LRRC4B: variants seen among roughly 807,000 people sequenced by gnomAD.
The protein encoded by LRRC4B is leucine-rich repeat-containing protein 4B.
LRRC4B carries 1 observed loss-of-function variant against 7.3 expected under a neutral mutation model. The ratio of observed to expected loss-of-function variants is 0.14; its 90% CI spans 0.05 to 0.65. The LOEUF (loss-of-function observed/expected upper bound fraction) is 0.65. Among genes scored for constraint, LRRC4B ranks in the 30% least tolerant of loss-of-function variants. The pLI, the probability that LRRC4B is intolerant of heterozygous loss-of-function variation, is 0.84. For missense variants in LRRC4B, 730 were observed against 1,041.6 expected (o/e 0.70, Z 4.12); for synonymous variants, 500 against 499.2 (o/e 1.00, Z -0.02).
chr19:50,545,145 C>T (rs919583821), intron 2 of LRRC4B, among the ~76,000 whole-genome samples: 7 of 148,992 alleles, frequency 4.7e-5, no homozygotes, highest in African/African-American at 1.7e-4. Context: ...TGGTGGCTCA[C>T]GCCTGTAATC....
intron 2 of LRRC4B, among the ~76,000 whole-genome samples, chr19:50,522,459 A>ATTTATTATTTATTTATTTAT (rs1491583815): frequency 2.8e-4 from 41 of 147,182 alleles, no homozygotes; most frequent in African/African-American, 1.0e-3. Context: ...TATTTTATTT[A>ATTTATTATTTATTTATTTAT]TTATTTATTT....
rs1345698321 is a variant in LRRC4B at position 50,527,333 on chromosome 19, TTTTC to T, written c.298-7922_298-7919del. On this transcript the variant is annotated intron_variant, in intron 2 of 2. Transcript: ENST00000652263. ...AGGCATGAGCCACCACGCCCGGCTG[TTTTC>T]TTTCTTTTTTCTTTTTTTTTTTTTT... is the stretch of plus-strand genomic sequence containing the variant. 5.6e-3 allele frequency among the ~76,000 whole-genome samples: 800 copies of T among 143,302 alleles called. 10 individuals are homozygous for T. The highest frequency in any genetic ancestry group is 0.02 in the African/African-American group (761 of 38,196). 94.0% of individuals were successfully genotyped at this position (143,302 alleles called of 152,430 possible).
intron 2 of LRRC4B, among the ~76,000 whole-genome samples, chr19:50,536,428 C>T (rs959589819): frequency 6.6e-6 from 1 of 152,162 alleles, no homozygotes; most frequent in Non-Finnish European, 1.5e-5. Context: ...CCACTGTGCC[C>T]GGATGAGACT....
At chr19:50,559,446 G>GA (rs1053300734) in intron 1 of LRRC4B, among the ~76,000 whole-genome samples, 5 of 151,918 alleles carry the variant, frequency 3.3e-5, no homozygotes, top group African/African-American at 7.3e-5. Flanking sequence ...AAAAAGGAAA[G>GA]AAAAAAAACT....
At chr19:50,554,324 C>T (rs1337306294) in intron 1 of LRRC4B, among the ~76,000 whole-genome samples, 1 of 152,036 alleles carries the variant, frequency 6.6e-6, no homozygotes, top group Admixed American at 6.6e-5. Flanking sequence ...GTCAGCTGGA[C>T]ACCAATGTCC....
chr19:50,552,779 T>C (rs575660228), intron 1 of LRRC4B, among the ~76,000 whole-genome samples: 22 of 152,178 alleles, frequency 1.4e-4, no homozygotes, highest in African/African-American at 5.3e-4. Flanking sequence ...CATCCATCCA[T>C]CCGTCCACCC....
At chr19:50,521,881 A>G (rs1980596223) in intron 2 of LRRC4B, among the ~76,000 whole-genome samples, 2 of 151,988 alleles carry the variant, frequency 1.3e-5, no homozygotes, top group Admixed American at 1.3e-4. Flanking sequence ...AGTTTTAAAA[A>G]TGAAAAAAAT....
In LRRC4B at chr19:50,519,627, AG is replaced by A. The variant is rs1477382800; in HGVS notation, c.298-213del. 2.0e-5 allele frequency among the ~76,000 whole-genome samples: 3 copies of A among 152,206 alleles called. No homozygotes were observed. The highest frequency in any genetic ancestry group is 7.2e-5 in the African/African-American group (3 of 41,450). On this transcript the variant is annotated intron_variant, in intron 2 of 2. Transcript: ENST00000652263. This position sits in a 1 kb window ranked among gnomAD's most constrained non-coding sequence, Gnocchi z 8.1. ...TGTGGTGGCTCACGCCTGTAATCTC[AG>A]CACTTTGGGAGGCCGAGGCAGGTGG...
At chr19:50,532,174 T>G (rs1158668810) in intron 2 of LRRC4B, among the ~76,000 whole-genome samples, 2 of 152,152 alleles carry the variant, frequency 1.3e-5, no homozygotes, top group African/African-American at 4.8e-5. Context: ...AGGCGGAGGT[T>G]GCAGTGAGCT....
At chr19:50,558,110 T>C (rs1352211864) in intron 1 of LRRC4B, 1 of 152,116 alleles carries the variant, frequency 6.6e-6, no homozygotes, top group African/African-American at 2.4e-5. Context: ...AGTTAAGTTT[T>C]AGGGGAGTCA....
At chr19:50,564,725 G>T (rs1299029941) in intron 1 of LRRC4B, among the ~76,000 whole-genome samples, 1 of 152,036 alleles carries the variant, frequency 6.6e-6, no homozygotes, top group Non-Finnish European at 1.5e-5. Flanking sequence ...GGTGAGAAGG[G>T]ATGAAATGCA....
At chr19:50,552,619 TCCA>T (rs1568733859) in intron 1 of LRRC4B, among the ~76,000 whole-genome samples, 30 of 114,264 alleles carry the variant, frequency 2.6e-4, no homozygotes, top group African/African-American at 1.0e-3. Context: ...CATCCATCCA[TCCA>T]TCCATTCATC....
chr19:50,560,417 A>G (rs1982425222), intron 1 of LRRC4B, among the ~76,000 whole-genome samples: 1 of 152,182 alleles, frequency 6.6e-6, no homozygotes, highest in African/African-American at 2.4e-5. Context: ...TGGCTTGCAA[A>G]GGGAGCTTCA....
At chr19:50,566,767 G>C (rs1285700322) in intron 1 of LRRC4B, among the ~76,000 whole-genome samples, 6 of 151,246 alleles carry the variant, frequency 4.0e-5, no homozygotes, top group Admixed American at 3.9e-4. Flanking sequence ...GATTGGGGGG[G>C]TCTGAGACTG....
chr19:50,539,886 CAAA>C (rs79472746), intron 2 of LRRC4B, among the ~76,000 whole-genome samples: 9 of 97,376 alleles, frequency 9.2e-5, no homozygotes, highest in African/African-American at 2.4e-4. Context: ...GACTCCATCT[CAAA>C]AAAAAAAAAA....
intron 1 of LRRC4B, among the ~76,000 whole-genome samples, chr19:50,552,297 C>T (rs73586689): frequency 0.033 from 4,999 of 151,802 alleles, 272 homozygotes; most frequent in African/African-American, 0.11. Context: ...CCTTTGAACC[C>T]CCACCATGCC....
chr19:50,546,470 C>T (rs367562130), intron 2 of LRRC4B, among the ~76,000 whole-genome samples: 3 of 152,264 alleles, frequency 2.0e-5, no homozygotes, highest in South Asian at 4.2e-4. Context: ...CATCCACTCT[C>T]GTGGACTGGA....
At chr19:50,545,943 T>C (rs1708985396) in intron 2 of LRRC4B, among the ~76,000 whole-genome samples, 2 of 151,814 alleles carry the variant, frequency 1.3e-5, no homozygotes, top group Admixed American at 1.3e-4. Flanking sequence ...AGGCTGGTCT[T>C]GAACTCCTGG....
chr19:50,568,362 C>A lies in LRRC4B; in HGVS notation c.-454G>T, dbSNP rs903959518. 6.8e-6 allele frequency among the ~76,000 whole-genome samples: 1 copy of A among 146,612 alleles called. No homozygotes were observed. Among genetic ancestry groups the A allele is most frequent in the Non-Finnish European group, 1.5e-5 (1 of 65,964 alleles). ...ACCCCCCCCCAGGCCCCGGCCCCGG[C>A]CCCGGCCCCCGCCTCGGACGGTGCG... is the stretch of plus-strand genomic sequence containing the variant. On this transcript the variant is annotated 5_prime_UTR_variant, in exon 1 of 3. Transcript: ENST00000652263.
Sources: allele counts gnomAD v4.1 joint callset (sites outside exome capture counted in the v4.1 genomes callset), GRCh38; gene constraint gnomAD v4.1.1; non-coding constraint Gnocchi (gnomAD v3.1); transcripts MANE v1.5; gene names NCBI Gene and HGNC (gene_info 2026-07-23, HGNC 2026-07-21).